LETMD1: variants seen among roughly 807,000 people sequenced by gnomAD.
LETMD1 encodes LETM1 domain-containing protein 1.
A neutral mutation model predicts 43.9 loss-of-function variants in LETMD1; 30 were observed. That is an observed-to-expected ratio of 0.68 (90% CI 0.51 to 0.93). The LOEUF is 0.93. Among genes scored for constraint, LETMD1 ranks in the 40% least tolerant of loss-of-function variants. The pLI, the probability that LETMD1 is intolerant of heterozygous loss-of-function variation, is 0.00. For missense variants in LETMD1, 413 were observed against 447.7 expected, an observed-to-expected ratio of 0.92 and a Z score of 0.70; for synonymous variants, 176 against 163.1, an observed-to-expected ratio of 1.08 and a Z score of -0.60.
At chr12:51,059,331 C>T in intron 8 of LETMD1, 30 bp from the exon 9 acceptor site, 1 of 1,608,604 alleles carries the variant, frequency 6.2e-7, no homozygotes. Context: ...GCAGTGTTCC[C>T]AAGCCAAACC....
chr12:51,061,226 T>C (rs1186503718), downstream of LETMD1: 1 of 152,556 alleles, frequency 6.6e-6, no homozygotes, highest in African/African-American at 2.4e-5. Context: ...ATTTCTTTAA[T>C]ATTACATTTA....
At chr12:51,057,001 C>T in intron 7 of LETMD1, 1 of 155,854 alleles carries the variant, frequency 6.4e-6, no homozygotes, top group Non-Finnish European at 1.4e-5. Context: ...CTCCTGGCCT[C>T]AAGCAATCCT....
At chr12:51,067,934 A>G in the LETMD1 span, 6 of 1,614,132 alleles carry the variant, frequency 3.7e-6, no homozygotes, top group South Asian at 4.4e-5. The surrounding 1 kb of genome is among the most constrained non-coding windows in gnomAD (Gnocchi z 4.1). Context: ...TCAGGCCATC[A>G]GCCTCCACCG....
chr12:51,056,781 G>A (rs1378953457), intron 7 of LETMD1: 1 of 276,562 alleles, frequency 3.6e-6, no homozygotes, highest in Non-Finnish European at 6.8e-6. Context: ...AGCCTCCCAA[G>A]TAGCTGGATT....
chr12:51,054,155 G>A (rs898093693), intron 4 of LETMD1, among the ~76,000 whole-genome samples: 1 of 152,002 alleles, frequency 6.6e-6, no homozygotes, highest in Non-Finnish European at 1.5e-5. Context: ...CTCCCCGAGA[G>A]AGAGTACTTT....
rs1948594427 is a variant in LETMD1, at chr12:51,059,305, A to G, written c.1013-56A>G. ...TGCCTCCAGGCTTAAGCCATATATA[A>G]CAAGGCAGTTATAAGGCAGTGTTCC... On this transcript the variant is annotated intron_variant, in intron 8 of 8. Transcript: ENST00000262055. 4.7e-6 allele frequency: 7 copies of G among 1,495,890 alleles called. 1 individual carries two copies. The South Asian group carries it at 7.9e-5, about 17-fold the overall frequency. The allele number at this position is 1,495,890 out of a possible 1,614,324, so 92.7% of individuals were successfully genotyped here.
In LETMD1 at chr12:51,055,926, C is replaced by T; in HGVS notation, c.565C>T (p.Gln189Ter). The T allele has an allele frequency of 1.2e-6, 2 of 1,613,688 alleles. No homozygotes were observed. Among genetic ancestry groups the T allele is most frequent in the Non-Finnish European group, 8.5e-7 (1 of 1,179,568 alleles). Residue 189 changes from glutamine to a stop codon, truncating the protein, a stop_gained, in exon 5 of 9, where the codon CAG (glutamine) becomes TAG (stop). Coordinates refer to ENST00000262055, the MANE Select transcript of LETMD1 (RefSeq NM_015416.5). LOFTEE classifies it high-confidence loss of function. ...FLDIYHAFRK[Q>*]SHPEIISYLE... ...AGATATCTATCATGCTTTCCGGAAG[C>T]AGTCCCACCCAGAAATTATTAGTTA...
chr12:51,063,484 C>T (rs944048463), downstream of LETMD1: 21 of 259,600 alleles, frequency 8.1e-5, no homozygotes, highest in African/African-American at 4.4e-4. Flanking sequence ...TTCTTTGTTC[C>T]AGTGGCCCAG....
intron 2 of LETMD1, among the ~76,000 whole-genome samples, chr12:51,050,144 G>T (rs769411084): frequency 3.3e-5 from 5 of 151,986 alleles, no homozygotes; most frequent in Non-Finnish European, 7.4e-5. Flanking sequence ...AAAATTGGCT[G>T]CTTTTTCTGT....
rs749672919 is a variant in LETMD1 at position 51,049,159 on chromosome 12, A to G, written c.248A>G (p.Tyr83Cys). Reference protein sequence around the residue: ...RFLGRHFPRFYVLYTIFMKGL... With the variant: ...RFLGRHFPRFCVLYTIFMKGL... ...TTGGGTCGTCATTTCCCCCGCTTCT[A>G]TGTCCTGTACACAATCTTCATGAAA... is the stretch of plus-strand genomic sequence containing the variant. Residue 83 changes from tyrosine (Y) to cysteine (C), a missense_variant, in exon 2 of 9, where the codon TAT (tyrosine) becomes TGT (cysteine). Transcript: ENST00000262055. The G allele has an allele frequency of 1.9e-6, 3 of 1,613,690 alleles. No homozygotes were observed. The highest frequency in any genetic ancestry group is 2.2e-5 in the East Asian group (1 of 44,868).
chr12:51,063,191 T>C (rs534467438), downstream of LETMD1: 6 of 152,304 alleles, frequency 3.9e-5, no homozygotes, highest in African/African-American at 1.4e-4. Context: ...AAATATGGGA[T>C]TGAAGGAAGG....
chr12:51,050,929 CTT>C (rs776411321), intron 2 of LETMD1, among the ~76,000 whole-genome samples: 6 of 151,500 alleles, frequency 4.0e-5, no homozygotes, highest in Non-Finnish European at 8.8e-5. Context: ...AGGAGAATCT[CTT>C]GAACCTGGGA....
downstream of LETMD1, chr12:51,061,594 T>G (rs546755375): frequency 1.3e-5 from 2 of 152,766 alleles, no homozygotes; most frequent in South Asian, 4.1e-4. Context: ...CTTAAAAGTT[T>G]GGGATCAGTG....
At chr12:51,068,167 A>AT in the LETMD1 span, among the ~76,000 whole-genome samples, 2 of 152,050 alleles carry the variant, frequency 1.3e-5, no homozygotes, top group African/African-American at 2.4e-5. Flanking sequence ...CATTTTATTT[A>AT]TTTTTTTGAG....
chr12:51,048,328 T>A lies in LETMD1; in HGVS notation c.-29T>A. The A allele has an allele frequency of 6.2e-7, 1 of 1,613,894 alleles. No homozygotes were observed. On this transcript the variant is annotated 5_prime_UTR_variant, in exon 1 of 9. Coordinates refer to ENST00000262055, the MANE Select transcript of LETMD1 (RefSeq NM_015416.5). ...GGTTAACTTTGACCCAAAGACAACC[T>A]CTTCTCTCCCGCTTCTCTCGCTGTG...
At chr12:51,066,359 A>G in the LETMD1 span, among the ~76,000 whole-genome samples, 4 of 151,294 alleles carry the variant, frequency 2.6e-5, no homozygotes, top group Middle Eastern at 3.4e-3. Context: ...AGGCTGAGGC[A>G]GGAGAATTGC....
chr12:51,064,521 C>T (rs770868500), downstream of LETMD1: 13 of 1,612,872 alleles, frequency 8.1e-6, no homozygotes, highest in Admixed American at 3.3e-5. Context: ...GGCTGCTGGG[C>T]GGCTCACCTG....
At chr12:51,053,741 T>G in intron 3 of LETMD1, 37 bp from the exon 4 acceptor site, 1 of 1,426,874 alleles carries the variant, frequency 7.0e-7, no homozygotes. Context: ...AACAACTTAT[T>G]TGGGTTAAAA....
chr12:51,068,928 G>GTA, the LETMD1 span, among the ~76,000 whole-genome samples: 23 of 152,172 alleles, frequency 1.5e-4, no homozygotes, highest in African/African-American at 5.6e-4. Context: ...ATATTAACAG[G>GTA]TATTAAAGAA....
Sources: gnomAD v4.1 joint callset for allele counts (sites outside exome capture counted in the v4.1 genomes callset) on GRCh38, gnomAD v4.1.1 for gene constraint, Gnocchi (gnomAD v3.1) non-coding constraint, MANE v1.5 for transcripts, NCBI Gene and HGNC (gene_info 2026-07-23, HGNC 2026-07-21) for gene names.